SGK1: variants seen among roughly 807,000 people sequenced by gnomAD.
SGK1 encodes serum/glucocorticoid regulated kinase 1.
In SGK1, 26 loss-of-function variants were observed where a neutral mutation model predicts 64.2. The ratio of observed to expected loss-of-function variants is 0.40; its 90% CI spans 0.30 to 0.56. The LOEUF is 0.56. Among genes scored for constraint, SGK1 ranks in the 20% least tolerant of loss-of-function variants. The pLI, the probability that SGK1 is intolerant of heterozygous loss-of-function variation, is 0.38. For missense variants in SGK1, 519 were observed against 645.6 expected (o/e 0.80, Z 2.12); for synonymous variants, 265 against 239.7 (o/e 1.11, Z -0.98).
intron 2 of SGK1, among the ~76,000 whole-genome samples, chr6:134,244,627 G>A (rs1029381236): frequency 9.2e-5 from 14 of 152,066 alleles, no homozygotes; most frequent in African/African-American, 2.9e-4. Flanking sequence ...GCTTCTGCTC[G>A]CCCTCCATGG....
intron 1 of SGK1, among the ~76,000 whole-genome samples, chr6:134,286,381 C>T (rs1230731812): frequency 2.0e-5 from 3 of 152,022 alleles, no homozygotes; most frequent in Admixed American, 2.0e-4. Flanking sequence ...CCTCCTGAGC[C>T]TGGGAGATTA....
Position 134,255,022 on chromosome 6 carries a change from C to T in SGK1, c.285+6911G>A, listed in dbSNP as rs1387535721. ...TAGCTGAGATTGCAGGCATGCGCCA[C>T]CACGCCTGGCTAATTTTTTGTATTT... On this transcript the variant is annotated intron_variant, in intron 2 of 13. Coordinates refer to ENST00000367858, the MANE Select transcript of SGK1 (RefSeq NM_001143676.3). Among the ~76,000 whole-genome samples the T allele has an allele frequency of 2.0e-5, 3 of 152,124 alleles. No homozygotes were observed. The East Asian group carries it at 5.8e-4, about 29-fold the overall frequency.
intron 1 of SGK1, among the ~76,000 whole-genome samples, chr6:134,316,012 T>C (rs1777679646): frequency 1.3e-5 from 2 of 152,256 alleles, no homozygotes; most frequent in African/African-American, 4.8e-5. Context: ...TTCACTTAGC[T>C]TGCAGCTCAC....
Position 134,170,102 on chromosome 6 carries a change from C to T in SGK1, c.*166G>A, listed in dbSNP as rs761573548. ...TCATGAGCTCACTGAGGAGAATGTG[C>T]TCTTCAAAAAGCTTCCAGCGAACAG... On this transcript the variant is annotated 3_prime_UTR_variant, in exon 14 of 14. Coordinates refer to ENST00000367858, the MANE Select transcript of SGK1 (RefSeq NM_001143676.3). 2.0e-6 allele frequency: 1 copy of T among 503,442 alleles called. No homozygotes were observed. Among genetic ancestry groups the T allele is most frequent in the Non-Finnish European group, 3.5e-6 (1 of 283,598 alleles). The allele number at this position is 503,442 out of a possible 1,614,324, so 31.2% of individuals were successfully genotyped here.
At chr6:134,253,337 T>G (rs1158957725) in intron 2 of SGK1, among the ~76,000 whole-genome samples, 2 of 151,840 alleles carry the variant, frequency 1.3e-5, no homozygotes, top group Non-Finnish European at 2.9e-5. Context: ...CTCGCTATAT[T>G]GCCCAGGCAG....
At chr6:134,245,817 C>G (rs1776516988) in intron 2 of SGK1, among the ~76,000 whole-genome samples, 1 of 152,206 alleles carries the variant, frequency 6.6e-6, no homozygotes, top group South Asian at 2.1e-4. Flanking sequence ...ATAGTGAGAC[C>G]TCATCTGTAT....
At chr6:134,216,200 T>G (rs537219808) in intron 2 of SGK1, among the ~76,000 whole-genome samples, 1 of 152,336 alleles carries the variant, frequency 6.6e-6, no homozygotes, top group Admixed American at 6.5e-5. Context: ...CTTTTTGGTT[T>G]ATAATAATTT....
chr6:134,295,739 G>GGCAACCTATAGATGGCATA (rs1182598624), intron 1 of SGK1, among the ~76,000 whole-genome samples: 4 of 151,520 alleles, frequency 2.6e-5, no homozygotes, highest in Non-Finnish European at 5.9e-5. Flanking sequence ...ATGGCAACCT[G>GGCAACCTATAGATGGCATA]GAGGATTCTA....
Position 134,170,257 on chromosome 6 carries a change from C to T in SGK1, c.*11G>A. On this transcript the variant is annotated 3_prime_UTR_variant, in exon 14 of 14. Coordinates refer to ENST00000367858, the MANE Select transcript of SGK1 (RefSeq NM_001143676.3). ...CACATAAAATCCTTTAAAACCAAGCCCTAACAGGGTTCAGAGGAAAGAGTC... is the reference window on the plus strand; with the variant it reads ...CACATAAAATCCTTTAAAACCAAGCTCTAACAGGGTTCAGAGGAAAGAGTC... The T allele has an allele frequency of 6.2e-7, 1 of 1,601,714 alleles. No homozygotes were observed. The highest frequency in any genetic ancestry group is 8.5e-7 in the Non-Finnish European group (1 of 1,170,976).
intron 2 of SGK1, among the ~76,000 whole-genome samples, chr6:134,226,204 G>A (rs1776174766): frequency 6.6e-6 from 1 of 152,024 alleles, no homozygotes; most frequent in African/African-American, 2.4e-5. Context: ...ACAAAATGGT[G>A]CAATAGGAAG....
At chr6:134,303,082 C>T (rs1562279500) in intron 1 of SGK1, among the ~76,000 whole-genome samples, 1 of 151,936 alleles carries the variant, frequency 6.6e-6, no homozygotes, top group African/African-American at 2.4e-5. Context: ...ATCCATTTTA[C>T]AGATAAGCCT....
chr6:134,229,433 TAA>T (rs1562258757), intron 2 of SGK1, among the ~76,000 whole-genome samples: 1 of 152,246 alleles, frequency 6.6e-6, no homozygotes, highest in Non-Finnish European at 1.5e-5. Flanking sequence ...AAACAGCTGC[TAA>T]AGTCATCTCA....
chr6:134,262,876 T>C (rs1776789206), intron 1 of SGK1, among the ~76,000 whole-genome samples: 1 of 151,124 alleles, frequency 6.6e-6, no homozygotes, highest in Admixed American at 6.6e-5. Flanking sequence ...ACTTTGTCTC[T>C]ACGAAAAAAA....
chr6:134,216,356 A>G (rs1311337010), intron 2 of SGK1, among the ~76,000 whole-genome samples: 1 of 152,238 alleles, frequency 6.6e-6, no homozygotes, highest in Non-Finnish European at 1.5e-5. Flanking sequence ...GACCAAAAGT[A>G]GCAAAAATAC....
At chr6:134,211,560 G>A (rs1206653671) in intron 2 of SGK1, 1 of 152,350 alleles carries the variant, frequency 6.6e-6, no homozygotes, top group Non-Finnish European at 1.5e-5. Context: ...TTTTCCATCA[G>A]TATGCAAAGT....
At chr6:134,281,817 T>C (rs17833642) in intron 1 of SGK1, among the ~76,000 whole-genome samples, 8,973 of 152,240 alleles carry the variant, frequency 0.059, 392 homozygotes, top group Non-Finnish European at 0.085. Flanking sequence ...AATTCTGATA[T>C]GCTATAACCA....
intron 3 of SGK1, among the ~76,000 whole-genome samples, chr6:134,175,280 TC>T (rs1775194566): frequency 6.6e-6 from 1 of 151,968 alleles, no homozygotes; most frequent in Non-Finnish European, 1.5e-5. Context: ...TCGCTCACTG[TC>T]CCTGCAGATA....
At chr6:134,212,066 T>TG (rs1371498170) in intron 2 of SGK1, among the ~76,000 whole-genome samples, 165 of 90,022 alleles carry the variant, frequency 1.8e-3, no homozygotes, top group Middle Eastern at 5.8e-3. Flanking sequence ...TTTGTTTTTT[T>TG]TGGGGGGGAC....
chr6:134,196,343 G>A (rs921568971), intron 3 of SGK1, among the ~76,000 whole-genome samples: 5 of 151,920 alleles, frequency 3.3e-5, no homozygotes, highest in South Asian at 2.1e-4. Flanking sequence ...TGGGATTACA[G>A]GTATGAGCCA....
Sources: gnomAD v4.1 joint callset for allele counts (sites outside exome capture counted in the v4.1 genomes callset) on GRCh38, gnomAD v4.1.1 for gene constraint, MANE v1.5 for transcripts, NCBI Gene and HGNC (gene_info 2026-07-23, HGNC 2026-07-21) for gene names.